Variants in ABCA13 observed in about 807,000 individuals in gnomAD.
ABCA13 encodes ATP-binding cassette sub-family A member 13.
A neutral mutation model predicts 478.7 loss-of-function variants in ABCA13; 476 were observed. The ratio of observed to expected loss-of-function variants is 0.99; its 90% CI spans 0.92 to 1.07. The LOEUF (loss-of-function observed/expected upper bound fraction) is 1.07, where lower values mean the gene tolerates loss of function less well. ABCA13 is among the 50% of genes least tolerant of loss of function. The pLI, the probability that ABCA13 is intolerant of heterozygous loss-of-function variation, is 0.00. For missense variants in ABCA13, 6,060 were observed against 5,910.6 expected (o/e 1.03, Z -0.83); for synonymous variants, 2,252 against 2,158.9 (o/e 1.04, Z -1.20).
rs779048276 is a variant in ABCA13 at position 48,272,121 on chromosome 7, C to T, written c.2455C>T (p.Leu819Phe). 10 of 1,613,500 alleles carry T rather than the reference C, an allele frequency of 6.2e-6. No homozygotes were observed. Among genetic ancestry groups the T allele is most frequent in the Non-Finnish European group, 8.5e-6 (10 of 1,179,660 alleles). Residue 819 changes from leucine (L) to phenylalanine (F), a missense_variant, in exon 17 of 62, where the codon CTT becomes TTT. By Grantham distance (22) the Leu-to-Phe change is conservative. Coordinates refer to ENST00000435803, the MANE Select transcript of ABCA13 (RefSeq NM_152701.5). ...CTGGATAAGGAAGGAACCAAAAAAT[C>T]TTTTGAGATTCATAGAATTAATACT... is the stretch of plus-strand genomic sequence containing the variant. Reference protein sequence around the residue: ...SHWIRKEPKNLLRFIELILFE... With the variant: ...SHWIRKEPKNFLRFIELILFE...
chr7:48,235,810 A>T (rs1461954349), intron 8 of ABCA13, among the ~76,000 whole-genome samples: 2 of 152,214 alleles, frequency 1.3e-5, no homozygotes, highest in African/African-American at 4.8e-5. Flanking sequence ...CACAAAGAGA[A>T]ATGTGTAGAT....
intron 26 of ABCA13, among the ~76,000 whole-genome samples, chr7:48,316,006 T>C (rs1158610263): frequency 6.6e-6 from 1 of 152,210 alleles, no homozygotes; most frequent in Non-Finnish European, 1.5e-5. Context: ...AAATGTTCTC[T>C]TGATGAGTAA....
intron 38 of ABCA13, among the ~76,000 whole-genome samples, chr7:48,400,058 T>TC (rs1817387203): frequency 6.6e-6 from 1 of 151,300 alleles, no homozygotes; most frequent in Non-Finnish European, 1.5e-5. Flanking sequence ...TTTTTTTTTT[T>TC]CTGGAACACA....
At chr7:48,181,131 T>A (rs1795644314) in intron 1 of ABCA13, among the ~76,000 whole-genome samples, 1 of 152,242 alleles carries the variant, frequency 6.6e-6, no homozygotes, top group Non-Finnish European at 1.5e-5. Context: ...CAGTGTCGTA[T>A]TGTCCTTGAC....
intron 24 of ABCA13, among the ~76,000 whole-genome samples, chr7:48,312,700 A>G (rs77336003): frequency 0.023 from 3,509 of 152,326 alleles, 50 homozygotes; most frequent in Non-Finnish European, 0.037. Context: ...ACTGTAAAGC[A>G]GTAGATAAAT....
intron 27 of ABCA13, among the ~76,000 whole-genome samples, chr7:48,324,287 G>A (rs1047460371): frequency 6.6e-6 from 1 of 152,160 alleles, no homozygotes; most frequent in Non-Finnish European, 1.5e-5. Context: ...GTCCCTCTGT[G>A]TGTGTGTCCT....
intron 37 of ABCA13, among the ~76,000 whole-genome samples, chr7:48,390,538 A>T (rs1441763850): frequency 6.6e-6 from 1 of 152,200 alleles, no homozygotes; most frequent in Non-Finnish European, 1.5e-5. Flanking sequence ...GAGTTTTGAC[A>T]CATTTGGTTA....
At chr7:48,423,361 T>G (rs1821020592) in intron 41 of ABCA13, among the ~76,000 whole-genome samples, 1 of 152,230 alleles carries the variant, frequency 6.6e-6, no homozygotes, top group African/African-American at 2.4e-5. Context: ...TCCATTGTCC[T>G]TGTCTTACAA....
chr7:48,208,847 C>T (rs566151089), intron 3 of ABCA13, among the ~76,000 whole-genome samples: 2 of 152,080 alleles, frequency 1.3e-5, no homozygotes, highest in South Asian at 4.1e-4. Flanking sequence ...TGTTATGTTG[C>T]ATAAAAGTAG....
At chr7:48,277,316 C>T (rs894533805) in intron 17 of ABCA13, among the ~76,000 whole-genome samples, 3 of 152,128 alleles carry the variant, frequency 2.0e-5, no homozygotes, top group South Asian at 2.1e-4. Flanking sequence ...GGAAGGAAGA[C>T]CAGGGGAAGG....
At chr7:48,282,816 A>G (rs1426491617) in intron 19 of ABCA13, among the ~76,000 whole-genome samples, 1 of 152,130 alleles carries the variant, frequency 6.6e-6, no homozygotes, top group African/African-American at 2.4e-5. Context: ...TGCTATTCTG[A>G]TGATGAACAT....
chr7:48,226,296 A>G (rs942994849), intron 5 of ABCA13, among the ~76,000 whole-genome samples: 4 of 152,098 alleles, frequency 2.6e-5, no homozygotes, highest in African/African-American at 4.8e-5. Context: ...GCCGAAAAGC[A>G]TGGTAGTGTG....
intron 55 of ABCA13, among the ~76,000 whole-genome samples, chr7:48,563,862 C>G (rs966387399): frequency 6.9e-6 from 1 of 144,646 alleles, no homozygotes; most frequent in Admixed American, 7.0e-5. Flanking sequence ...CATCTTTCTT[C>G]CTATAATTTG....
chr7:48,463,695 A>G (rs10236459), intron 43 of ABCA13, among the ~76,000 whole-genome samples: 38,790 of 151,958 alleles, frequency 0.26, 5,299 homozygotes, highest in Middle Eastern at 0.35. Flanking sequence ...AGCTGGTTGG[A>G]TCAGGAGAGG....
intron 42 of ABCA13, among the ~76,000 whole-genome samples, chr7:48,442,024 G>A (rs1415594101): frequency 2.0e-5 from 3 of 152,208 alleles, no homozygotes; most frequent in Non-Finnish European, 2.9e-5. Context: ...TTCCAGAGGA[G>A]AGACTGTGTA....
intron 24 of ABCA13, among the ~76,000 whole-genome samples, chr7:48,311,428 C>A (rs1386149117): frequency 6.6e-6 from 1 of 152,200 alleles, no homozygotes; most frequent in Non-Finnish European, 1.5e-5. Flanking sequence ...TGGTTTAGCT[C>A]TGCATTTGCT....
intron 8 of ABCA13, 92 bp downstream of exon 8, chr7:48,234,243 G>A (rs1252026418): frequency 7.6e-6 from 12 of 1,570,280 alleles, no homozygotes; most frequent in African/African-American, 6.7e-5. Flanking sequence ...CGGGTGCCAC[G>A]GGAGAGGCAG....
chr7:48,446,191 C>A (rs1453308767), intron 42 of ABCA13, among the ~76,000 whole-genome samples: 1 of 152,094 alleles, frequency 6.6e-6, no homozygotes, highest in Non-Finnish European at 1.5e-5. Context: ...AATTTGGATT[C>A]TAAAGACCTA....
At chr7:48,535,875 C>T (rs1833536331) in intron 55 of ABCA13, among the ~76,000 whole-genome samples, 1 of 152,182 alleles carries the variant, frequency 6.6e-6, no homozygotes, top group South Asian at 2.1e-4. Flanking sequence ...GCCCTCCCAA[C>T]AGCATCAAGT....
Sources: allele counts gnomAD v4.1 joint callset (sites outside exome capture counted in the v4.1 genomes callset), GRCh38; gene constraint gnomAD v4.1.1; transcripts MANE v1.5; gene names NCBI Gene and HGNC (gene_info 2026-07-23, HGNC 2026-07-21).